Variants in XDH observed in about 807,000 individuals in gnomAD.
The protein encoded by XDH is xanthine dehydrogenase, also known as xanthine dehydrogenase/oxidase.
Under a neutral mutation model 156.1 loss-of-function variants are expected in XDH, and 138 were observed. That is an observed-to-expected ratio of 0.88 (90% CI 0.77 to 1.02). XDH has a LOEUF of 1.02. Among genes scored for constraint, XDH ranks in the 50% least tolerant of loss-of-function variants. The pLI is 0.00. For synonymous variants in XDH, 669 were observed against 625.7 expected, an observed-to-expected ratio of 1.07 and a Z score of -1.03; for missense variants, 1,849 against 1,684.9, an observed-to-expected ratio of 1.10 and a Z score of -1.71.
At chr2:31,378,116 AAGG>A (rs2148777350) in intron 13 of XDH, among the ~76,000 whole-genome samples, 1 of 33,072 alleles carries the variant, frequency 3.0e-5, no homozygotes, top group South Asian at 1.4e-3. Flanking sequence ...GAAAGGAAGG[AAGG>A]AAGGAAGGAA....
At chr2:31,370,135 G>C (rs1016023141) in intron 18 of XDH, among the ~76,000 whole-genome samples, 1 of 152,164 alleles carries the variant, frequency 6.6e-6, no homozygotes, top group African/African-American at 2.4e-5. Flanking sequence ...TGCCACTTTG[G>C]CATAGAGACA....
chr2:31,376,930 T>C, intron 14 of XDH, 123 bp downstream of exon 14: 1 of 1,256,626 alleles, frequency 8.0e-7, no homozygotes, highest in Admixed American at 1.8e-5. Flanking sequence ...GCAGTAGCAG[T>C]AGTTATGGTA....
rs543851698 is a variant in XDH at position 31,383,684 on chromosome 2, C to T, written c.886+71G>A. Reference sequence around the variant, plus strand: ...GCCAGTGGGGAGACCACCCTGATACCTGCCACCCACCTTGTAACCTATCCC... The same window carrying T: ...GCCAGTGGGGAGACCACCCTGATACTTGCCACCCACCTTGTAACCTATCCC... On this transcript the variant is annotated intron_variant, in intron 10 of 35. Transcript: ENST00000379416. The T allele has an allele frequency of 8.2e-6, 12 of 1,465,388 alleles. No homozygotes were observed. The Admixed American group carries it at 2.3e-4, about 28-fold the overall frequency. The allele number at this position is 1,465,388 out of a possible 1,614,324, so 90.8% of individuals were successfully genotyped here. A position where few individuals can be genotyped will look rare whatever the true frequency, so the allele number is the denominator to read the frequency against.
chr2:31,405,159 T>C (rs1271507350), intron 2 of XDH, among the ~76,000 whole-genome samples: 1 of 152,154 alleles, frequency 6.6e-6, no homozygotes, highest in African/African-American at 2.4e-5. Flanking sequence ...TCCTCCTCTG[T>C]GAAAAGGGAG....
chr2:31,336,103 C>T (rs565284512), intron 35 of XDH, 95 bp from the exon 36 acceptor site: 261 of 1,332,258 alleles, frequency 2.0e-4, no homozygotes, highest in Non-Finnish European at 2.7e-4. Context: ...TGCCAACCAT[C>T]ATTCCAAGGC....
At chr2:31,369,825 T>C (rs1686026235) in intron 18 of XDH, among the ~76,000 whole-genome samples, 1 of 152,246 alleles carries the variant, frequency 6.6e-6, no homozygotes, top group Non-Finnish European at 1.5e-5. Flanking sequence ...TTTGCAACAT[T>C]GGATGTCTAT....
Position 31,346,807 on chromosome 2 carries a change from A to G in XDH, c.3313T>C (p.Tyr1105His), listed in dbSNP as rs1454280701. Reference sequence around the variant, plus strand: ...GAGCCACTGGGATTCTTCTTCTTGTAGGGTTCCAGCCTTTTCAAGATGGTC... The same window carrying G: ...GAGCCACTGGGATTCTTCTTCTTGTGGGGTTCCAGCCTTTTCAAGATGGTC... ...CQTILKRLEPYKKKNPSGSWE... is the reference protein window; with the variant it reads ...CQTILKRLEPHKKKNPSGSWE... Residue 1105 changes from tyrosine to histidine, a missense_variant, in exon 30 of 36, where the codon TAC (tyrosine) becomes CAC (histidine). Tyr to His is a moderately conservative substitution (Grantham distance 83). Coordinates refer to ENST00000379416, the MANE Select transcript of XDH (RefSeq NM_000379.4). 6.2e-7 allele frequency: 1 copy of G among 1,614,072 alleles called. No individual in the cohort carries two copies. Among genetic ancestry groups the G allele is most frequent in the Non-Finnish European group, 8.5e-7 (1 of 1,180,022 alleles).
chr2:31,334,713 G>A lies in XDH; in HGVS notation c.*1245C>T, dbSNP rs2148745110. On this transcript the variant is annotated 3_prime_UTR_variant, in exon 36 of 36. Transcript: ENST00000379416. ...AGAAGACGTGAGACAACCCTTTACTGCAACCCTTATGTTTGCAGTAAAATG... is the reference window on the plus strand; with the variant it reads ...AGAAGACGTGAGACAACCCTTTACTACAACCCTTATGTTTGCAGTAAAATG... The A allele has an allele frequency of 6.6e-6, 1 of 152,138 alleles. No homozygotes were observed. Among genetic ancestry groups the A allele is most frequent in the East Asian group, 1.9e-4 (1 of 5,182 alleles). 9.4% of individuals were successfully genotyped at this position (152,138 alleles called of 1,614,324 possible).
Position 31,389,860 on chromosome 2 carries a change from T to C in XDH, c.496-1565A>G, listed in dbSNP as rs562654165. Among the ~76,000 whole-genome samples the C allele has an allele frequency of 2.6e-5, 4 of 152,152 alleles. No homozygotes were observed. The Middle Eastern group carries it at 0.014, about 518-fold the overall frequency. The stretch of plus-strand genomic sequence containing the variant: ...GGTGCCTTTAAAAAAAAAAGTTTTT[T>C]TTTTAGAGTGGTTTAAGGTTCACAG... On this transcript the variant is annotated intron_variant, in intron 6 of 35. Coordinates refer to ENST00000379416, the MANE Select transcript of XDH (RefSeq NM_000379.4).
At chr2:31,361,232 A>G (rs1158798544) in intron 24 of XDH, among the ~76,000 whole-genome samples, 1 of 152,240 alleles carries the variant, frequency 6.6e-6, no homozygotes, top group Non-Finnish European at 1.5e-5. Flanking sequence ...TACTATTCCA[A>G]CTTGCTGAGA....
At chr2:31,348,704 G>A (rs1466398439) in intron 27 of XDH, among the ~76,000 whole-genome samples, 195 bp downstream of exon 27, 2 of 152,202 alleles carry the variant, frequency 1.3e-5, no homozygotes, top group Non-Finnish European at 2.9e-5. Flanking sequence ...GTTGATCCCA[G>A]ATCTCTGAGT....
intron 4 of XDH, among the ~76,000 whole-genome samples, chr2:31,399,282 G>A (rs1686992756): frequency 6.6e-6 from 1 of 152,146 alleles, no homozygotes; most frequent in Admixed American, 6.5e-5. Flanking sequence ...ACTTCTGAGG[G>A]GAGGTCAAAG....
rs766938288 is a variant in XDH at position 31,344,748 on chromosome 2, A to G, written c.3352-12T>C. On this transcript the variant is annotated splice_polypyrimidine_tract_variant and intron_variant, in intron 30 of 35. Transcript: ENST00000379416. ...TAGGCAGCTGTGACCTGAGGAGAGG[A>G]GATGGCCATCAGGCAGGTGAAGTGA... The G allele has an allele frequency of 1.2e-6, 2 of 1,614,078 alleles. No homozygotes were observed. Among genetic ancestry groups the G allele is most frequent in the East Asian group, 4.5e-5 (2 of 44,878 alleles).
In XDH at chr2:31,386,426, T is replaced by G. The variant is rs1261143491; in HGVS notation, c.781A>C (p.Asn261His). The change falls in exon 9 of 36, where the codon AAC (asparagine) becomes CAC (histidine). Residue 261 changes from asparagine (N) to histidine (H), a missense_variant. Coordinates refer to ENST00000379416, the MANE Select transcript of XDH (RefSeq NM_000379.4). The part of the protein sequence containing the change: ...QHPDAKLVVG[N>H]TEIGIEMKFK... ...CCCTGGCCCTTACCAATCTCCGTGT[T>G]CCCCACGACCAGCTTGGCGTCAGGG... 7 of 1,613,286 alleles carry G rather than the reference T, an allele frequency of 4.3e-6. No individual in the cohort carries two copies. Among genetic ancestry groups the G allele is most frequent in the Non-Finnish European group, 5.9e-6 (7 of 1,180,010 alleles).
chr2:31,405,286 T>C (rs1687164485), intron 2 of XDH, among the ~76,000 whole-genome samples: 1 of 152,174 alleles, frequency 6.6e-6, no homozygotes, highest in Non-Finnish European at 1.5e-5. Flanking sequence ...TATTATCGTT[T>C]TAGTTCCAGG....
intron 34 of XDH, 72 bp downstream of exon 34, chr2:31,339,417 G>GCCT: frequency 6.2e-7 from 1 of 1,601,800 alleles, no homozygotes; most frequent in South Asian, 1.1e-5. Context: ...GGTCACTGAG[G>GCCT]CCTCTCATCA....
chr2:31,382,316 T>C (rs1035134122), intron 11 of XDH, among the ~76,000 whole-genome samples: 5 of 152,126 alleles, frequency 3.3e-5, no homozygotes, highest in African/African-American at 7.2e-5. Context: ...TATGTTTCCT[T>C]ATCTATAATC....
rs761926 is a variant in XDH at position 31,367,919 on chromosome 2, C to G, written c.2197+42G>C. 0.29 allele frequency: 469,812 copies of G among 1,596,796 alleles called. 71,814 individuals carry two copies. The highest frequency in any genetic ancestry group is 0.37 in the Admixed American group (22,448 of 59,978). On this transcript the variant is annotated intron_variant, in intron 20 of 35. Transcript: ENST00000379416. ...ATATCTCTTGAATTTAATTTGCAAACCAGGGCCACCCCATTCCCACTGCGG... is the reference window on the plus strand; with the variant it reads ...ATATCTCTTGAATTTAATTTGCAAAGCAGGGCCACCCCATTCCCACTGCGG...
intron 14 of XDH, among the ~76,000 whole-genome samples, chr2:31,376,223 T>C (rs1686240957): frequency 6.6e-6 from 1 of 151,190 alleles, no homozygotes; most frequent in African/African-American, 2.4e-5. Context: ...GCAATAATAG[T>C]TGCAGTAGTG....
Sources: allele counts gnomAD v4.1 joint callset (sites outside exome capture counted in the v4.1 genomes callset), GRCh38; gene constraint gnomAD v4.1.1; transcripts MANE v1.5; gene names NCBI Gene and HGNC (gene_info 2026-07-23, HGNC 2026-07-21).